The following COL17A1 variants were observed in gnomAD, a reference collection of about 807,000 sequenced individuals.
The protein encoded by COL17A1 is collagen type XVII alpha 1 chain.
COL17A1 carries 181 observed loss-of-function variants against 218.4 expected under a neutral mutation model. The observed-to-expected ratio is 0.83, with a 90% CI of 0.73 to 0.94. The LOEUF is 0.94. Ranked by LOEUF, COL17A1 falls within the 40% of genes least tolerant of loss-of-function variation. COL17A1 has a pLI of 0.00. For missense variants in COL17A1, 1,924 were observed against 1,945.9 expected (o/e 0.99, Z 0.21); for synonymous variants, 721 against 731.0 (o/e 0.99, Z 0.22).
intron 1 of COL17A1, among the ~76,000 whole-genome samples, chr10:104,085,497 C>G (rs533027429): frequency 1.3e-5 from 2 of 152,198 alleles, no homozygotes; most frequent in Non-Finnish European, 1.5e-5. Flanking sequence ...TTTTAACCAG[C>G]CTTCAGCCTT....
At chr10:104,064,666 C>T in intron 9 of COL17A1, 70 bp from the exon 10 acceptor site, 1 of 1,426,652 alleles carries the variant, frequency 7.0e-7, no homozygotes, top group Non-Finnish European at 9.7e-7. Context: ...AATCTAGTCA[C>T]CTCATTTTGC....
At chr10:104,041,451 C>T in intron 37 of COL17A1, 34 bp downstream of exon 37, 1 of 1,610,144 alleles carries the variant, frequency 6.2e-7, no homozygotes, top group Non-Finnish European at 8.5e-7. Flanking sequence ...GTCCCCCAAA[C>T]TCCCCACCTT....
chr10:104,036,884 T>G (rs1246411442), intron 47 of COL17A1, among the ~76,000 whole-genome samples, 161 bp downstream of exon 47: 1 of 152,162 alleles, frequency 6.6e-6, no homozygotes, highest in Non-Finnish European at 1.5e-5. Flanking sequence ...GTTTGCTGAC[T>G]CAGCAAGCAG....
chr10:104,048,794 C>T (rs569743056), intron 29 of COL17A1, among the ~76,000 whole-genome samples: 1 of 152,090 alleles, frequency 6.6e-6, no homozygotes, highest in South Asian at 2.1e-4. Context: ...ACAGGTAAGG[C>T]TTAAACCCTT....
chr10:104,051,043 T>A, intron 25 of COL17A1, 142 bp from the exon 26 acceptor site: 1 of 1,460,386 alleles, frequency 6.8e-7, no homozygotes, highest in South Asian at 1.2e-5. Flanking sequence ...TTCCATGGAC[T>A]CCTTCCCAAG....
rs2086581242 is a variant in COL17A1 at position 104,061,397 on chromosome 10, G to T, written c.979+8C>A. On this transcript the variant is annotated splice_region_variant and intron_variant, in intron 13 of 55. Transcript: ENST00000648076. ...GCCTGAACCCTGGCAGCTGGGAGCAGCACTCACCGGCGGAGGTGGAAACGC... is the reference window on the plus strand; with the variant it reads ...GCCTGAACCCTGGCAGCTGGGAGCATCACTCACCGGCGGAGGTGGAAACGC... 3 of 1,612,592 alleles carry T rather than the reference G, an allele frequency of 1.9e-6. No individual in the cohort carries two copies. The highest frequency in any genetic ancestry group is 1.3e-5 in the African/African-American group (1 of 74,884).
rs751224626 is a variant in COL17A1, at chr10:104,034,261, G to A, written c.3840C>T (p.Arg1280=). 5.6e-6 allele frequency: 9 copies of A among 1,604,828 alleles called. No homozygotes were observed. Among genetic ancestry groups the A allele is most frequent in the South Asian group, 2.2e-5 (2 of 89,704 alleles). ...TGTGGGAGGCATCCGTGGACAGGAG[G>A]CGGCTGTCCCCAGGGGGTCCCTGCG... ...PGPQGPPGDS[R]LLSTDASHSR... The change falls in exon 52 of 56, where the codon CGC becomes CGT. Residue 1280 remains arginine (R), a synonymous_variant. Transcript: ENST00000648076.
chr10:104,035,175 A>T, intron 50 of COL17A1, 88 bp downstream of exon 50: 1 of 1,118,720 alleles, frequency 8.9e-7, no homozygotes, highest in Non-Finnish European at 1.3e-6. Flanking sequence ...CTCCAGGAGC[A>T]CTTAGACTGC....
intron 37 of COL17A1, 35 bp from the exon 38 acceptor site, chr10:104,041,379 C>T (rs1479771746): frequency 6.2e-7 from 1 of 1,607,052 alleles, no homozygotes; most frequent in East Asian, 2.2e-5. Flanking sequence ...CCATGCTGAG[C>T]TCAGGGAGCT....
intron 31 of COL17A1, among the ~76,000 whole-genome samples, 197 bp downstream of exon 31, chr10:104,047,542 C>T (rs1306195267): frequency 2.6e-5 from 4 of 152,196 alleles, no homozygotes; most frequent in Admixed American, 1.3e-4. Context: ...TGCTGAGCTG[C>T]TGGAGGAAAA....
chr10:104,036,716 G>GCACAAA (rs1274851126), intron 47 of COL17A1, 84 bp from the exon 48 acceptor site: 37 of 1,511,062 alleles, frequency 2.4e-5, no homozygotes, highest in South Asian at 2.2e-4. Context: ...GGGCTCCCCT[G>GCACAAA]CACAAACTGG....
intron 9 of COL17A1, among the ~76,000 whole-genome samples, chr10:104,070,005 G>C (rs914841619): frequency 6.6e-6 from 1 of 152,088 alleles, no homozygotes; most frequent in African/African-American, 2.4e-5. Flanking sequence ...ACCTAGAAGA[G>C]AGCTATAAGC....
At chr10:104,058,306 G>T (rs982365037) in intron 15 of COL17A1, 116 bp from the exon 16 acceptor site, 3 of 1,289,350 alleles carry the variant, frequency 2.3e-6, no homozygotes, top group African/African-American at 1.5e-5. Context: ...TTTCAACGAC[G>T]TGCAGGAACA....
chr10:104,038,892 C>G (rs1013698863), intron 44 of COL17A1, among the ~76,000 whole-genome samples, 179 bp downstream of exon 44: 1 of 152,166 alleles, frequency 6.6e-6, no homozygotes, highest in Non-Finnish European at 1.5e-5. Flanking sequence ...TCCTTCCCCT[C>G]AACCCAATAA....
In COL17A1 at chr10:104,058,163, C is replaced by A. The variant is rs1283982215; in HGVS notation, c.1250G>T (p.Gly417Val). 1 of 1,614,080 alleles carries A rather than the reference C, an allele frequency of 6.2e-7. No homozygotes were observed. The highest frequency in any genetic ancestry group is 8.5e-7 in the Non-Finnish European group (1 of 1,180,046). ...TCACCCACCTGCAGTGGTGGTCTTG[C>A]CCTTTGTGGACACAGTCTTCAGGTC... ...NGDLKTVSTK[G>V]KTTTADIHSY... Residue 417 changes from glycine (G) to valine (V), a missense_variant, in exon 16 of 56, where the codon GGC becomes GTC. Gly to Val is a moderately radical substitution (Grantham distance 109). Coordinates refer to ENST00000648076, the MANE Select transcript of COL17A1 (RefSeq NM_000494.4).
chr10:104,046,737 A>T lies in COL17A1; in HGVS notation c.2362+10T>A. On this transcript the variant is annotated intron_variant, in intron 32 of 55. Transcript: ENST00000648076. ...GGGAGACAGCAGGTGGGAATGATCC[A>T]GCGACTCACCCTGAGGTCCCTGGGG... 6.2e-7 allele frequency: 1 copy of T among 1,613,948 alleles called. No individual in the cohort carries two copies. Among genetic ancestry groups the T allele is most frequent in the East Asian group, 2.2e-5 (1 of 44,876 alleles).
chr10:104,053,217 G>T, intron 22 of COL17A1, 82 bp from the exon 23 acceptor site: 6 of 1,513,902 alleles, frequency 4.0e-6, no homozygotes, highest in Non-Finnish European at 5.4e-6. Flanking sequence ...CACGGCAGAC[G>T]CTTGCCTGGA....
intron 53 of COL17A1, 56 bp downstream of exon 53, chr10:104,033,181 AC>A: frequency 6.4e-7 from 1 of 1,560,252 alleles, no homozygotes; most frequent in South Asian, 1.2e-5. Flanking sequence ...TCTGGAGCAG[AC>A]CCGTGGGAAC....
At chr10:104,043,407 C>T (rs1230522669) in intron 35 of COL17A1, 94 bp downstream of exon 35, 8 of 1,177,166 alleles carry the variant, frequency 6.8e-6, no homozygotes, top group Non-Finnish European at 1.0e-5. Flanking sequence ...GGTTCAGTTC[C>T]TGCCCTGGGT....
Sources: gnomAD v4.1 joint callset for allele counts (sites outside exome capture counted in the v4.1 genomes callset) on GRCh38, gnomAD v4.1.1 for gene constraint, MANE v1.5 for transcripts, NCBI Gene and HGNC (gene_info 2026-07-23, HGNC 2026-07-21) for gene names.